MAB21L3: variants seen among roughly 807,000 people sequenced by gnomAD.
MAB21L3 encodes the protein protein mab-21-like 3.
Under a neutral mutation model 37.7 loss-of-function variants are expected in MAB21L3, and 36 were observed. The ratio of observed to expected loss-of-function variants is 0.96; its 90% CI spans 0.73 to 1.26. The LOEUF is 1.26. Ranked by LOEUF, MAB21L3 falls within the 50% of genes most tolerant of loss-of-function variation. The pLI, the probability that MAB21L3 is intolerant of heterozygous loss-of-function variation, is 0.00. For synonymous variants in MAB21L3, 186 were observed against 176.8 expected, an observed-to-expected ratio of 1.05 and a Z score of -0.41; for missense variants, 430 against 447.3, an observed-to-expected ratio of 0.96 and a Z score of 0.35.
Position 116,134,565 on chromosome 1 carries a change from C to T in MAB21L3, c.*1200C>T, listed in dbSNP as rs1470715860. 6.6e-6 allele frequency: 1 copy of T among 152,276 alleles called. No individual in the cohort carries two copies. The highest frequency in any genetic ancestry group is 1.5e-5 in the Non-Finnish European group (1 of 68,076). 9.4% of individuals were successfully genotyped at this position (152,276 alleles called of 1,614,324 possible). On this transcript the variant is annotated 3_prime_UTR_variant, in exon 8 of 8. Coordinates refer to ENST00000369500, the MANE Select transcript of MAB21L3 (RefSeq NM_152367.3). ...ATGGTGGGGCTGGCATGAGTCAGAG[C>T]ACCTGGCCTTGTAAAGCCAGGAAGG...
chr1:116,124,420 C>T (rs1213545183), intron 5 of MAB21L3, 63 bp downstream of exon 5: 1 of 1,500,594 alleles, frequency 6.7e-7, no homozygotes, highest in African/African-American at 1.4e-5. Context: ...TCTATAAAAC[C>T]TCTGTTTGGG....
chr1:116,127,969 A>C (rs1659956965), intron 6 of MAB21L3, among the ~76,000 whole-genome samples, 176 bp from the exon 7 acceptor site: 1 of 152,156 alleles, frequency 6.6e-6, no homozygotes, highest in East Asian at 1.9e-4. Context: ...CCATCTTCTA[A>C]CTGTCCACAT....
At chr1:116,117,385 G>C (rs1570802643) in intron 3 of MAB21L3, among the ~76,000 whole-genome samples, 1 of 151,932 alleles carries the variant, frequency 6.6e-6, no homozygotes, top group East Asian at 1.9e-4. Flanking sequence ...CACTGTACCT[G>C]CTCAGACTTC....
At chr1:116,112,702 C>T (rs371040122) in intron 3 of MAB21L3, 39 bp downstream of exon 3, 47 of 1,599,834 alleles carry the variant, frequency 2.9e-5, no homozygotes, top group Non-Finnish European at 3.4e-5. Flanking sequence ...ACCCCCTCCC[C>T]ATTCACACTA....
chr1:116,120,055 G>T (rs1391237779), intron 3 of MAB21L3, among the ~76,000 whole-genome samples: 1 of 152,086 alleles, frequency 6.6e-6, no homozygotes, highest in Non-Finnish European at 1.5e-5. Context: ...TTCACACCAT[G>T]GGCAGCAGGC....
At chr1:116,126,559 A>G (rs1659913842) in intron 5 of MAB21L3, among the ~76,000 whole-genome samples, 1 of 152,210 alleles carries the variant, frequency 6.6e-6, no homozygotes, top group Admixed American at 6.5e-5. Flanking sequence ...CAGATAAAAG[A>G]AAGGTGAAGC....
In MAB21L3 at chr1:116,127,634, A is replaced by G; in HGVS notation, c.650A>G (p.Glu217Gly). 6.2e-7 allele frequency: 1 copy of G among 1,612,938 alleles called. No homozygotes were observed. The highest frequency in any genetic ancestry group is 2.2e-5 in the East Asian group (1 of 44,858). Residue 217 changes from glutamate to glycine, a missense_variant, in exon 6 of 8, where the codon GAG becomes GGG. By Grantham distance (98) the Glu-to-Gly change is moderately conservative (BLOSUM62 -2). Transcript: ENST00000369500. ...LQRWPSQERV[E>G]CIKSFGFNLL... ...CGCTGGCCTTCCCAAGAGAGAGTGG[A>G]GTGCATCAAGGTATCAGTGGGCGGG...
intron 3 of MAB21L3, among the ~76,000 whole-genome samples, chr1:116,117,093 T>A (rs964041953): frequency 6.6e-6 from 1 of 150,592 alleles, no homozygotes; most frequent in Non-Finnish European, 1.5e-5. Context: ...CTTAAGCTTC[T>A]ATTTAAAAAT....
intron 3 of MAB21L3, among the ~76,000 whole-genome samples, chr1:116,120,512 GAT>G (rs1466114126): frequency 1.3e-5 from 2 of 150,140 alleles, no homozygotes; most frequent in African/African-American, 4.9e-5. Context: ...TATAATATCA[GAT>G]ATGACACTAT....
rs777285868 is a variant in MAB21L3 at position 116,133,346 on chromosome 1, C to G, written c.1070C>G (p.Pro357Arg). 1.5e-5 allele frequency: 25 copies of G among 1,614,084 alleles called. No individual in the cohort carries two copies. The highest frequency in any genetic ancestry group is 1.9e-5 in the Non-Finnish European group (22 of 1,180,030). Reference protein sequence around the residue: ...AQKLATFLKNPQIGPP With the variant: ...AQKLATFLKNRQIGPP ...AAGCTGGCCACCTTCCTGAAGAACC[C>G]CCAGATCGGCCCGCCCTGATGGTTG... The change falls in exon 8 of 8, where the codon CCC becomes CGC. Residue 357 changes from proline (P) to arginine (R), a missense_variant. Physicochemically the swap from Pro to Arg is moderately radical, Grantham distance 103 (BLOSUM62 -2). Coordinates refer to ENST00000369500, the MANE Select transcript of MAB21L3 (RefSeq NM_152367.3).
At chr1:116,114,018 T>C (rs1659501695) in intron 3 of MAB21L3, among the ~76,000 whole-genome samples, 1 of 152,196 alleles carries the variant, frequency 6.6e-6, no homozygotes, top group South Asian at 2.1e-4. Flanking sequence ...TTCTGGCTCA[T>C]ATTCATCCTT....
chr1:116,132,854 T>C (rs1233309669), intron 7 of MAB21L3, among the ~76,000 whole-genome samples: 1 of 151,934 alleles, frequency 6.6e-6, no homozygotes, highest in African/African-American at 2.4e-5. Flanking sequence ...GGGGTTCCAT[T>C]TTCCCCGTAA....
Position 116,133,220 on chromosome 1 carries a change from T to C in MAB21L3, c.944T>C (p.Leu315Pro), listed in dbSNP as rs758513949. The change falls in exon 8 of 8, where the codon CTG (leucine) becomes CCG (proline). Residue 315 changes from leucine (L) to proline (P), a missense_variant. Coordinates refer to ENST00000369500, the MANE Select transcript of MAB21L3 (RefSeq NM_152367.3). ...GCATTTCTGCGCCTGGTGAGGAAAC[T>C]GCACAAGTGCGTGAGCCAGCACTTC... ...SKAFLRLVRK[L>P]HKCVSQHFLK... is the part of the protein sequence containing the mutation. The C allele has an allele frequency of 1.2e-6, 2 of 1,614,222 alleles. No homozygotes were observed. The highest frequency in any genetic ancestry group is 8.5e-7 in the Non-Finnish European group (1 of 1,180,034).
chr1:116,114,932 T>C (rs1295756077), intron 3 of MAB21L3, among the ~76,000 whole-genome samples: 1 of 152,120 alleles, frequency 6.6e-6, no homozygotes, highest in Non-Finnish European at 1.5e-5. Context: ...GGAAAGGTCT[T>C]CCAGGCTAAG....
chr1:116,119,365 A>G (rs1001550848), intron 3 of MAB21L3, among the ~76,000 whole-genome samples: 1 of 152,056 alleles, frequency 6.6e-6, no homozygotes, highest in African/African-American at 2.4e-5. Flanking sequence ...TTCTTATACT[A>G]TGAACATATG....
Position 116,133,114 on chromosome 1 carries a change from C to A in MAB21L3, c.856-18C>A. 1 of 1,594,876 alleles carries A rather than the reference C, an allele frequency of 6.3e-7. No homozygotes were observed. Among genetic ancestry groups the A allele is most frequent in the Non-Finnish European group, 8.6e-7 (1 of 1,163,020 alleles). ...AATTGCCCGAAACAATGTCTGACAG[C>A]ACTTCTCCCTTCCACAGACTGTGCT... On this transcript the variant is annotated intron_variant, in intron 7 of 7. Transcript: ENST00000369500.
chr1:116,129,449 A>G (rs1308808000), intron 7 of MAB21L3, among the ~76,000 whole-genome samples: 2 of 152,314 alleles, frequency 1.3e-5, no homozygotes, highest in South Asian at 2.1e-4. Context: ...GGCCCCAGAA[A>G]GGATGGACTC....
Position 116,124,191 on chromosome 1 carries a change from G to T in MAB21L3, c.315G>T (p.Arg105=). Reference sequence around the variant, plus strand: ...GCACCAGGCTGCCCTGCCCGTTGCGGGACCCTGAGGGTCTGCAGCAGTGGC... The same window carrying T: ...GCACCAGGCTGCCCTGCCCGTTGCGTGACCCTGAGGGTCTGCAGCAGTGGC... ...LQGTRLPCPL[R]DPEGLQQWLE... Residue 105 remains arginine, a synonymous_variant, in exon 5 of 8, where the codon CGG becomes CGT. Coordinates refer to ENST00000369500, the MANE Select transcript of MAB21L3 (RefSeq NM_152367.3). The T allele has an allele frequency of 6.2e-7, 1 of 1,614,230 alleles. No homozygotes were observed. The highest frequency in any genetic ancestry group is 8.5e-7 in the Non-Finnish European group (1 of 1,180,042).
rs1659428193 is a variant in MAB21L3, at chr1:116,111,675, G to C, written c.-345G>C. The stretch of plus-strand genomic sequence containing the variant: ...CAACTGGGAATTTACTGCCTGAGCT[G>C]TTTTCCAACATAAGTTTTGCTGGCA... On this transcript the variant is annotated 5_prime_UTR_variant, in exon 2 of 8. Transcript: ENST00000369500. The C allele has an allele frequency of 6.6e-6, 1 of 151,590 alleles. No homozygotes were observed. The highest frequency in any genetic ancestry group is 2.4e-5 in the African/African-American group (1 of 41,226). The allele number at this position is 151,590 out of a possible 1,614,324, so 9.4% of individuals were successfully genotyped here.
Sources: gnomAD v4.1 joint callset for allele counts (sites outside exome capture counted in the v4.1 genomes callset) on GRCh38, gnomAD v4.1.1 for gene constraint, MANE v1.5 for transcripts, NCBI Gene and HGNC (gene_info 2026-07-23, HGNC 2026-07-21) for gene names.